The following TULP4 variants were observed in gnomAD, a reference collection of about 807,000 sequenced individuals.
TULP4 encodes the protein TUB like protein 4.
A neutral mutation model predicts 129.0 loss-of-function variants in TULP4; 16 were observed. The observed-to-expected ratio is 0.12, with a 90% CI of 0.08 to 0.19. The LOEUF (loss-of-function observed/expected upper bound fraction) is 0.19, where lower values mean the gene tolerates loss of function less well. Ranked by LOEUF, TULP4 falls within the 10% of genes least tolerant of loss-of-function variation. The pLI is 1.00. For missense variants in TULP4, 1,842 were observed against 2,059.1 expected (o/e 0.89, Z 2.04); for synonymous variants, 998 against 854.0 (o/e 1.17, Z -2.94).
rs1212915660 is a variant in TULP4 at position 158,328,671 on chromosome 6, C to T, written c.252+14403C>T. On this transcript the variant is annotated intron_variant, in intron 1 of 13. Transcript: ENST00000367097. ...GGTTAGTACAGGTGGGAGGTGTCCC[C>T]GCTGTGTGGGGAGGAGGGACTTTTG... 3.9e-5 allele frequency among the ~76,000 whole-genome samples: 6 copies of T among 152,150 alleles called. No individual in the cohort carries two copies. The East Asian group carries it at 7.7e-4, about 20-fold the overall frequency.
chr6:158,449,282 T>A, intron 4 of TULP4, 106 bp downstream of exon 4: 1 of 1,216,708 alleles, frequency 8.2e-7, no homozygotes, highest in South Asian at 1.8e-5. Flanking sequence ...CCGCCACACC[T>A]ACGGCACCCG....
Position 158,503,462 on chromosome 6 carries a change from A to T in TULP4, c.3799A>T (p.Ser1267Cys), listed in dbSNP as rs369995721. 4 of 1,613,804 alleles carry T rather than the reference A, an allele frequency of 2.5e-6. No individual in the cohort carries two copies. The African/African-American group carries it at 4.0e-5, about 16-fold the overall frequency. ...PVALHPWSSYSACPPMQNPQG... is the reference protein window; with the variant it reads ...PVALHPWSSYCACPPMQNPQG... The stretch of plus-strand genomic sequence containing the variant: ...CGCCTTGCATCCATGGAGTTCCTAC[A>T]GCGCCTGCCCGCCCATGCAGAACCC... Residue 1267 changes from serine (S) to cysteine (C), a missense_variant, in exon 13 of 14, where the codon AGC becomes TGC. Transcript: ENST00000367097. The surrounding 1 kb of genome is among the most constrained non-coding windows in gnomAD (Gnocchi z 4.3).
chr6:158,440,179 G>A (rs1418545214), intron 3 of TULP4, among the ~76,000 whole-genome samples: 2 of 151,796 alleles, frequency 1.3e-5, no homozygotes, highest in East Asian at 3.9e-4. Context: ...AATTATCCGG[G>A]TGTGGGGGCA....
chr6:158,440,925 G>A (rs1322878003), intron 3 of TULP4, among the ~76,000 whole-genome samples: 7 of 152,104 alleles, frequency 4.6e-5, no homozygotes, highest in East Asian at 1.9e-4. Context: ...AAATTAAATC[G>A]CCCTTTGTTA....
At chr6:158,496,159 G>T (rs924251046) in intron 11 of TULP4, among the ~76,000 whole-genome samples, 2 of 152,174 alleles carry the variant, frequency 1.3e-5, no homozygotes, top group African/African-American at 4.8e-5. Context: ...GTTGCTCCCC[G>T]CATCTTTCCC....
At chr6:158,419,972 A>G (rs1229024218) in intron 2 of TULP4, among the ~76,000 whole-genome samples, 1 of 152,236 alleles carries the variant, frequency 6.6e-6, no homozygotes, top group African/African-American at 2.4e-5. Flanking sequence ...TAATTCACCA[A>G]TTAGACAACA....
chr6:158,403,478 T>A (rs1463637112), intron 1 of TULP4, among the ~76,000 whole-genome samples: 5 of 152,170 alleles, frequency 3.3e-5, no homozygotes, highest in African/African-American at 1.2e-4. Context: ...TAGCTGGGAT[T>A]ACAGGCATGC....
At chr6:158,310,568 C>G (rs1779327684), upstream of TULP4, 1 of 152,120 alleles carries the variant, frequency 6.6e-6, no homozygotes, top group Non-Finnish European at 1.5e-5. Flanking sequence ...TTCTTTTAAA[C>G]AACCAGGTAT....
At chr6:158,308,928 G>C (rs1474803454), upstream of TULP4, among the ~76,000 whole-genome samples, 15 of 103,332 alleles carry the variant, frequency 1.5e-4, no homozygotes, top group African/African-American at 6.3e-5. Flanking sequence ...CTGGCCGGGC[G>C]GGGGGCTGAC....
At chr6:158,479,657 T>G (rs1024626834) in intron 6 of TULP4, 94 bp from the exon 7 acceptor site, 10 of 1,157,624 alleles carry the variant, frequency 8.6e-6, no homozygotes, top group Non-Finnish European at 1.1e-5. Flanking sequence ...CAAAACAGCT[T>G]ATTTTATTTT....
chr6:158,278,872 T>G (rs1422812578), upstream of TULP4, among the ~76,000 whole-genome samples: 5 of 151,858 alleles, frequency 3.3e-5, no homozygotes, highest in Non-Finnish European at 7.4e-5. Context: ...CTTTCCTGGG[T>G]GAGTTTAGCT....
intron 2 of TULP4, among the ~76,000 whole-genome samples, chr6:158,414,033 A>G (rs1421697192): frequency 6.6e-6 from 1 of 152,252 alleles, no homozygotes; most frequent in Non-Finnish European, 1.5e-5. Context: ...TGCTTAAATA[A>G]GCTGTGAGCT....
At position 158,365,537 on chromosome 6, in the gene TULP4, T is replaced by C. The variant is rs377322785; in HGVS notation, c.253-47528T>C. Among the ~76,000 whole-genome samples, 43 of 150,340 alleles carry C rather than the reference T, an allele frequency of 2.9e-4. 1 individual carries two copies. In the East Asian group the frequency reaches 4.9e-3, roughly 17 times the overall value. On this transcript the variant is annotated intron_variant, in intron 1 of 13. Coordinates refer to ENST00000367097, the MANE Select transcript of TULP4 (RefSeq NM_020245.5). ...TGTTGCCCAGGCTGGAGTGCAGTGG[T>C]GCGATCTCAGCTCACTGCAAGCTCC...
chr6:158,282,835 A>G (rs1458562904), intron 1 of TULP4: 1 of 152,098 alleles, frequency 6.6e-6, no homozygotes, highest in Non-Finnish European at 1.5e-5. Context: ...CATATACAGA[A>G]CGTTATATTA....
At chr6:158,406,064 C>T (rs1354252915) in intron 1 of TULP4, among the ~76,000 whole-genome samples, 1 of 152,168 alleles carries the variant, frequency 6.6e-6, no homozygotes, top group African/African-American at 2.4e-5. Flanking sequence ...CTCTTTGTGT[C>T]CTCCCTGAAT....
chr6:158,261,279 T>C (rs1406363717), intron 1 of TULP4, among the ~76,000 whole-genome samples: 1 of 152,256 alleles, frequency 6.6e-6, no homozygotes, highest in Non-Finnish European at 1.5e-5. Flanking sequence ...TATTTTTGTT[T>C]AATTGTACTT....
chr6:158,438,843 C>T (rs1032863049), intron 3 of TULP4, among the ~76,000 whole-genome samples: 2 of 152,140 alleles, frequency 1.3e-5, no homozygotes, highest in Non-Finnish European at 2.9e-5. Context: ...CCTAGGCCTC[C>T]CAAAACTGCA....
chr6:158,360,482 C>G (rs1780761147), intron 1 of TULP4, among the ~76,000 whole-genome samples: 1 of 152,050 alleles, frequency 6.6e-6, no homozygotes, highest in African/African-American at 2.4e-5. Context: ...TACTATTTTT[C>G]TAAGTGATTT....
Position 158,260,622 on chromosome 6 carries a change from G to A in TULP4, n.68+28319G>A, listed in dbSNP as rs556096029. On this transcript the variant is annotated intron_variant and non_coding_transcript_variant, in intron 1 of 1. Transcript: ENST00000620026. ...ATTAGTGTTTAAGCCTTCTGCATAA[G>A]GATGACAGTTGATGCTGAAGGAGAT... Among the ~76,000 whole-genome samples the A allele has an allele frequency of 2.0e-5, 3 of 151,548 alleles. No homozygotes were observed. In the East Asian group the frequency reaches 5.9e-4, roughly 30 times the overall value.
Sources: gnomAD v4.1 joint callset for allele counts (sites outside exome capture counted in the v4.1 genomes callset) on GRCh38, gnomAD v4.1.1 for gene constraint, Gnocchi (gnomAD v3.1) non-coding constraint, MANE v1.5 for transcripts, NCBI Gene and HGNC (gene_info 2026-07-23, HGNC 2026-07-21) for gene names.